RFX2: variants seen among roughly 807,000 people sequenced by gnomAD.
RFX2 encodes the protein regulatory factor X2, also known as DNA-binding protein RFX2.
Under a neutral mutation model 87.8 loss-of-function variants are expected in RFX2, and 20 were observed. The ratio of observed to expected loss-of-function variants is 0.23; its 90% confidence interval spans 0.16 to 0.33. The LOEUF is 0.33. Among genes scored for constraint, RFX2 ranks in the 10% least tolerant of loss-of-function variants. The probability of loss-of-function intolerance (pLI) is 1.00; values close to 1 mark genes in which losing one functional copy is unlikely to be tolerated. For missense variants in RFX2, 767 were observed against 1,012.3 expected (o/e 0.76, Z 3.29); for synonymous variants, 397 against 431.3 (o/e 0.92, Z 0.98).
chr19:6,041,330 T>G (rs978515575), intron 4 of RFX2, among the ~76,000 whole-genome samples: 2 of 152,040 alleles, frequency 1.3e-5, no homozygotes, highest in African/African-American at 4.8e-5. Flanking sequence ...CCTGCACTTG[T>G]GAGGGGAGCC....
intron 12 of RFX2, among the ~76,000 whole-genome samples, chr19:6,006,720 G>C (rs892298042): frequency 2.0e-5 from 3 of 151,576 alleles, no homozygotes; most frequent in Admixed American, 6.6e-5. Flanking sequence ...AAAGTGCTGG[G>C]ATTACAGACG....
At position 6,039,518 on chromosome 19, in the gene RFX2, C is replaced by T. The variant is rs2087072660; in HGVS notation, c.522+462G>A. On this transcript the variant is annotated intron_variant, in intron 5 of 17. Transcript: ENST00000303657. The surrounding 1 kb of genome is among the most constrained non-coding windows in gnomAD (Gnocchi z 5.2). ...TTTAAATGTAGAGACTCTGGAAAAG[C>T]AGATAAGTCGTTATTTTGCATCGGG... Among the ~76,000 whole-genome samples the T allele has an allele frequency of 6.6e-6, 1 of 152,300 alleles. No individual in the cohort carries two copies. The highest frequency in any genetic ancestry group is 6.5e-5 in the Admixed American group (1 of 15,304).
At chr19:6,080,204 G>A (rs1394152381) in intron 1 of RFX2, among the ~76,000 whole-genome samples, 7 of 122,810 alleles carry the variant, frequency 5.7e-5, no homozygotes, top group Admixed American at 4.5e-4. Flanking sequence ...CCTGGTTAAT[G>A]TGTGTGTGTG....
chr19:6,047,338 A>T lies in RFX2; in HGVS notation c.90+69T>A. On this transcript the variant is annotated intron_variant, in intron 2 of 17. Transcript: ENST00000303657. The surrounding 1 kb of genome is among the most constrained non-coding windows in gnomAD (Gnocchi z 4.2). ...GATTCCTCTCTTTGCAGATCTGAGC[A>T]GCTTTCAAACCCATAGAGATCGCGT... The T allele has an allele frequency of 8.2e-7, 1 of 1,219,482 alleles. No homozygotes were observed. The highest frequency in any genetic ancestry group is 1.2e-6 in the Non-Finnish European group (1 of 865,226). 75.5% of individuals were successfully genotyped at this position (1,219,482 alleles called of 1,614,324 possible).
At position 6,016,017 on chromosome 19, in the gene RFX2, C is replaced by T. The variant is rs554480518; in HGVS notation, c.779+73G>A. 238 of 1,423,836 alleles carry T rather than the reference C, an allele frequency of 1.7e-4. 1 individual carries two copies. In the East Asian group the frequency reaches 4.8e-3, roughly 29 times the overall value. The allele number at this position is 1,423,836 out of a possible 1,614,324, so 88.2% of individuals were successfully genotyped here. A position where few individuals can be genotyped will look rare whatever the true frequency, so the allele number is the denominator to read the frequency against. On this transcript the variant is annotated intron_variant, in intron 7 of 17. Transcript: ENST00000303657. This position sits in a 1 kb window ranked among gnomAD's most constrained non-coding sequence, Gnocchi z 5.4. ...CCACCTGGAAAGGAGGAGGAAGCCT[C>T]GCATTTTCCCAAAAGCTCCATTTCT... is the stretch of plus-strand genomic sequence containing the variant.
rs963477710 is a variant in RFX2, at chr19:6,020,808, T to C, written c.598-4537A>G. ...GATATTTGCATTCTTTCTGTGTCAA[T>C]ATCAAACACAAATAAGCAGAACGCT... On this transcript the variant is annotated intron_variant, in intron 6 of 17. Transcript: ENST00000303657. The surrounding 1 kb of genome is among the most constrained non-coding windows in gnomAD (Gnocchi z 5.3). 6.6e-6 allele frequency among the ~76,000 whole-genome samples: 1 copy of C among 152,232 alleles called. No individual in the cohort carries two copies. Among genetic ancestry groups the C allele is most frequent in the African/African-American group, 2.4e-5 (1 of 41,452 alleles).
chr19:6,088,848 C>T (rs539832705), intron 1 of RFX2, among the ~76,000 whole-genome samples: 7 of 152,224 alleles, frequency 4.6e-5, no homozygotes, highest in South Asian at 2.1e-4. Context: ...GTCAAGCGCT[C>T]GCTGTCAAGA....
At chr19:6,073,289 C>A in intron 1 of RFX2, 1 of 1,007,268 alleles carries the variant, frequency 9.9e-7, no homozygotes, top group Non-Finnish European at 1.5e-6. Flanking sequence ...AGGGCCAGAT[C>A]TTGATGCCCA....
intron 1 of RFX2, chr19:6,072,736 G>T (rs2087626006): frequency 4.1e-6 from 2 of 489,868 alleles, no homozygotes; most frequent in Admixed American, 3.1e-5. Context: ...TTCCTTCCAA[G>T]GACATAACAA....
chr19:6,099,478 G>A (rs1373265820), intron 1 of RFX2, among the ~76,000 whole-genome samples: 2 of 151,850 alleles, frequency 1.3e-5, no homozygotes, highest in Non-Finnish European at 2.9e-5. Context: ...AAAACATGGA[G>A]TTTGAAGGTT....
Position 6,023,828 on chromosome 19 carries a change from G to A in RFX2, c.597+2335C>T, listed in dbSNP as rs1395343603. On this transcript the variant is annotated intron_variant, in intron 6 of 17. Transcript: ENST00000303657. This position sits in a 1 kb window ranked among gnomAD's most constrained non-coding sequence, Gnocchi z 4.9. Reference sequence around the variant, plus strand: ...GGAGTCTCGCTCTGTCTCCCAGGCTGGAGTGCAGTGGCGCAATCTCAGCTC... The same window carrying A: ...GGAGTCTCGCTCTGTCTCCCAGGCTAGAGTGCAGTGGCGCAATCTCAGCTC... Among the ~76,000 whole-genome samples the A allele has an allele frequency of 6.6e-6, 1 of 151,178 alleles. No individual in the cohort carries two copies. Among genetic ancestry groups the A allele is most frequent in the East Asian group, 1.9e-4 (1 of 5,158 alleles).
At chr19:6,081,077 C>T (rs1568188664) in intron 1 of RFX2, among the ~76,000 whole-genome samples, 2 of 151,650 alleles carry the variant, frequency 1.3e-5, no homozygotes. Flanking sequence ...AGGGAAGCCC[C>T]AGGAGGCTCA....
chr19:6,025,349 G>A (rs2086873293), intron 6 of RFX2, among the ~76,000 whole-genome samples: 1 of 152,148 alleles, frequency 6.6e-6, no homozygotes, highest in African/African-American at 2.4e-5. Flanking sequence ...GACAAGGGGA[G>A]GAGAAAAATC....
In RFX2 at chr19:6,089,632, G is replaced by A. The variant is rs1186390359; in HGVS notation, c.-9+20761C>T. Among the ~76,000 whole-genome samples, 3 of 152,346 alleles carry A rather than the reference G, an allele frequency of 2.0e-5. No homozygotes were observed. The South Asian group carries it at 6.2e-4, about 32-fold the overall frequency. The stretch of plus-strand genomic sequence containing the variant: ...CTTCCATCACGTGAGGACACAGCTA[G>A]AAGGCAGAAGCCGAACCAGAAAGCA... On this transcript the variant is annotated intron_variant, in intron 1 of 17. Coordinates refer to ENST00000303657, the MANE Select transcript of RFX2 (RefSeq NM_000635.4).
At chr19:6,062,698 G>T (rs543833346) in intron 1 of RFX2, among the ~76,000 whole-genome samples, 1 of 152,288 alleles carries the variant, frequency 6.6e-6, no homozygotes, top group Admixed American at 6.5e-5. Context: ...TACAGTCCCC[G>T]TGGGGAGTGA....
At chr19:6,099,516 T>C (rs77850878) in intron 1 of RFX2, among the ~76,000 whole-genome samples, 1 of 137,538 alleles carries the variant, frequency 7.3e-6, no homozygotes, top group Non-Finnish European at 1.5e-5. Flanking sequence ...GGCTGCGTGA[T>C]TTTTTTTTTT....
intron 5 of RFX2, among the ~76,000 whole-genome samples, chr19:6,037,754 G>C (rs560401576): frequency 6.6e-6 from 1 of 152,246 alleles, no homozygotes; most frequent in Non-Finnish European, 1.5e-5. Context: ...TTCAATTTTA[G>C]ACTTACTATA....
intron 5 of RFX2, among the ~76,000 whole-genome samples, chr19:6,034,409 A>T (rs145220182): frequency 6.6e-6 from 1 of 151,896 alleles, no homozygotes; most frequent in African/African-American, 2.4e-5. Flanking sequence ...TTGCATTTTT[A>T]GTAGAGACGG....
At chr19:6,038,154 C>T (rs2144758639) in intron 5 of RFX2, among the ~76,000 whole-genome samples, 1 of 151,924 alleles carries the variant, frequency 6.6e-6, no homozygotes, top group Middle Eastern at 3.4e-3. Context: ...TGGTAAAACC[C>T]TGTCTGTACT....
Sources: gnomAD v4.1 joint callset for allele counts (sites outside exome capture counted in the v4.1 genomes callset) on GRCh38, gnomAD v4.1.1 for gene constraint, Gnocchi (gnomAD v3.1) non-coding constraint, MANE v1.5 for transcripts, NCBI Gene and HGNC (gene_info 2026-07-23, HGNC 2026-07-21) for gene names.